Variants in NDRG2 observed in about 807,000 individuals in gnomAD.
NDRG2 encodes the protein protein NDRG2.
NDRG2 carries 34 observed loss-of-function variants against 58.2 expected under a neutral mutation model. The ratio of observed to expected loss-of-function variants is 0.58; its 90% confidence interval spans 0.44 to 0.78. The LOEUF (loss-of-function observed/expected upper bound fraction) is 0.78. NDRG2 is among the 30% of genes least tolerant of loss of function. NDRG2 has a pLI of 0.00. For synonymous variants in NDRG2, 187 were observed against 175.9 expected (o/e 1.06, Z -0.50); for missense variants, 434 against 471.2 (o/e 0.92, Z 0.73).
chr14:21,023,518 G>C lies in NDRG2; in HGVS notation c.-6-197C>G. On this transcript the variant is annotated intron_variant, in intron 1 of 15. Transcript: ENST00000556147. ...GCTGATCGGTGGAAGCTTTGGAAGA[G>C]GAATCAGGACAGCCCTTCTCTTGAT... 3 of 589,152 alleles carry C rather than the reference G, an allele frequency of 5.1e-6. No individual in the cohort carries two copies. In the South Asian group the frequency reaches 6.0e-5, roughly 12 times the overall value. 36.5% of individuals were successfully genotyped at this position (589,152 alleles called of 1,614,324 possible). A position where few individuals can be genotyped will look rare whatever the true frequency, so the allele number is the denominator to read the frequency against.
At chr14:21,035,494 G>A (rs1884561375) in intron 1 of NDRG2, among the ~76,000 whole-genome samples, 1 of 152,182 alleles carries the variant, frequency 6.6e-6, no homozygotes, top group African/African-American at 2.4e-5. Flanking sequence ...TCTTGCCCTT[G>A]ACTTCCACAG....
In NDRG2 at chr14:21,070,487, A is replaced by C; in HGVS notation, c.24+341T>G. The C allele has an allele frequency of 7.5e-7, 1 of 1,340,712 alleles. No individual in the cohort carries two copies. The allele number at this position is 1,340,712 out of a possible 1,614,324, so 83.1% of individuals were successfully genotyped here. A position where few individuals can be genotyped will look rare whatever the true frequency, so the allele number is the denominator to read the frequency against. ...CAAGTCCTCAGCCTGGTGCCTCCCG[A>C]GCCTGCCTCGGACTGTTCGGCCCCT... is the stretch of plus-strand genomic sequence containing the variant. On this transcript the variant is annotated intron_variant, in intron 1 of 14. Coordinates refer to the NDRG2 transcript ENST00000403829. This position sits in a 1 kb window ranked among gnomAD's most constrained non-coding sequence, Gnocchi z 4.7.
At chr14:21,030,531 C>T (rs775780442), upstream of NDRG2, 1 of 1,583,710 alleles carries the variant, frequency 6.3e-7, no homozygotes, top group South Asian at 1.2e-5. Flanking sequence ...CCCCCTTCTC[C>T]TTCACCCCCA....
intron 1 of NDRG2, among the ~76,000 whole-genome samples, chr14:21,048,059 A>G (rs1250071658): frequency 6.6e-6 from 1 of 152,162 alleles, no homozygotes; most frequent in African/African-American, 2.4e-5. Flanking sequence ...ACATACCAGT[A>G]GCAACAACAT....
Position 21,022,145 on chromosome 14 carries a change from G to A in NDRG2, c.261C>T (p.Asp87=), listed in dbSNP as rs1198560643. Reference sequence around the variant, plus strand: ...CAAAGTTCTGAATGATTTCCTGCATGTCCTCGAACTGAAACAGTGGCTGGA... The same window carrying A: ...CAAAGTTCTGAATGATTTCCTGCATATCCTCGAACTGAAACAGTGGCTGGA... The part of the protein sequence containing the change: ...SCFQPLFQFE[D]MQEIIQNFVR... The change falls in exon 5 of 16, where the codon GAC becomes GAT. Residue 87 remains aspartate (D), a synonymous_variant. Coordinates refer to ENST00000556147, the MANE Select transcript of NDRG2 (RefSeq NM_001320329.2). The A allele has an allele frequency of 1.2e-6, 2 of 1,614,176 alleles. No homozygotes were observed. The highest frequency in any genetic ancestry group is 2.2e-5 in the East Asian group (1 of 44,884).
At chr14:21,038,328 C>A in intron 1 of NDRG2, among the ~76,000 whole-genome samples, 1 of 152,134 alleles carries the variant, frequency 6.6e-6, no homozygotes, top group East Asian at 1.9e-4. Flanking sequence ...AGAAATGTAA[C>A]GGGTGGTCCT....
Position 21,070,518 on chromosome 14 carries a change from A to G in NDRG2, c.24+310T>C. 8.5e-7 allele frequency: 1 copy of G among 1,175,966 alleles called. No homozygotes were observed. Among genetic ancestry groups the G allele is most frequent in the South Asian group, 2.0e-5 (1 of 50,146 alleles). The allele number at this position is 1,175,966 out of a possible 1,614,324, so 72.8% of individuals were successfully genotyped here. ...CCTCGGACTGTTCGGCCCCTCTGGG[A>G]CTCTCCTCCCTCCCATCCCCCCTTC... On this transcript the variant is annotated intron_variant, in intron 1 of 14. Coordinates refer to the NDRG2 transcript ENST00000403829. This position sits in a 1 kb window ranked among gnomAD's most constrained non-coding sequence, Gnocchi z 4.7.
intron 1 of NDRG2, chr14:21,043,395 A>G (rs1217450118): frequency 1.2e-6 from 2 of 1,613,250 alleles, no homozygotes. Flanking sequence ...AGTGGCCTGT[A>G]AGCCTCCCCA....
intron 2 of NDRG2, 55 bp downstream of exon 2, chr14:21,023,186 G>T: frequency 1.4e-6 from 2 of 1,460,654 alleles, no homozygotes; most frequent in Non-Finnish European, 9.6e-7. Context: ...AGAAGGCAAG[G>T]GGGATGCTTA....
At chr14:21,025,397 G>T, upstream of NDRG2, 1 of 985,616 alleles carries the variant, frequency 1.0e-6, no homozygotes, top group Non-Finnish European at 1.2e-6. The surrounding 1 kb of genome is among the most constrained non-coding windows in gnomAD (Gnocchi z 5.1). Flanking sequence ...CCACGACCTG[G>T]ATCTGCAATT....
intron 1 of NDRG2, chr14:21,043,029 C>T (rs1298799788): frequency 6.2e-7 from 1 of 1,614,152 alleles, no homozygotes; most frequent in South Asian, 1.1e-5. Flanking sequence ...CCCCCTTCTG[C>T]TGCTTCTGCT....
chr14:21,065,581 T>C (rs1886220673), intron 1 of NDRG2, among the ~76,000 whole-genome samples: 1 of 151,926 alleles, frequency 6.6e-6, no homozygotes, highest in African/African-American at 2.4e-5. Flanking sequence ...ATGAAGAAAA[T>C]ACAACAGAAT....
At chr14:21,029,961 G>A (rs1353188831), upstream of NDRG2, among the ~76,000 whole-genome samples, 2 of 152,132 alleles carry the variant, frequency 1.3e-5, no homozygotes, top group African/African-American at 2.4e-5. Context: ...CCCTGGGCTC[G>A]CCTCAGCTTC....
At chr14:21,032,261 C>T in intron 1 of NDRG2, 2 of 700,560 alleles carry the variant, frequency 2.9e-6, no homozygotes, top group Non-Finnish European at 5.2e-6. Context: ...CCACCACACA[C>T]CCTTCGCTCT....
At chr14:21,061,312 A>G (rs1885946801) in intron 1 of NDRG2, among the ~76,000 whole-genome samples, 1 of 152,208 alleles carries the variant, frequency 6.6e-6, no homozygotes, top group Non-Finnish European at 1.5e-5. Flanking sequence ...AAGAGTGTGA[A>G]AAGCATTCAG....
At chr14:21,027,991 C>T (rs944853979), upstream of NDRG2, among the ~76,000 whole-genome samples, 2 of 152,238 alleles carry the variant, frequency 1.3e-5, no homozygotes, top group African/African-American at 2.4e-5. Flanking sequence ...CCCCTAATAC[C>T]GTAAGGTTAG....
chr14:21,043,608 C>T (rs1885014974), intron 1 of NDRG2: 2 of 637,794 alleles, frequency 3.1e-6, no homozygotes. Context: ...GAAGCTGACA[C>T]TCTGGTGAGC....
chr14:21,054,899 T>C (rs1379426934), intron 1 of NDRG2, among the ~76,000 whole-genome samples: 3 of 152,144 alleles, frequency 2.0e-5, no homozygotes, highest in Non-Finnish European at 4.4e-5. Context: ...ACATTTTAGA[T>C]GCTAATTAAA....
In NDRG2 at chr14:21,019,736, G is replaced by T; in HGVS notation, c.619C>A (p.Leu207Ile). 1 of 1,610,364 alleles carries T rather than the reference G, an allele frequency of 6.2e-7. No individual in the cohort carries two copies. The highest frequency in any genetic ancestry group is 8.5e-7 in the Non-Finnish European group (1 of 1,176,684). ...ILGHLFSQEE[L>I]SGNSELIQKY... ...TGTATCAACTCAGAATTTCCAGAGA[G>T]CTCTTCCTGAAGGAGAGAACAAGGA... Residue 207 changes from leucine to isoleucine, a missense_variant, in exon 10 of 16, where the codon CTC (leucine) becomes ATC (isoleucine). Physicochemically the swap from Leu to Ile is conservative, Grantham distance 5 (BLOSUM62 2). Transcript: ENST00000556147.
Sources: allele counts gnomAD v4.1 joint callset (sites outside exome capture counted in the v4.1 genomes callset), GRCh38; gene constraint gnomAD v4.1.1; non-coding constraint Gnocchi (gnomAD v3.1); transcripts MANE v1.5; gene names NCBI Gene and HGNC (gene_info 2026-07-23, HGNC 2026-07-21).